The following EXOC4 variants were observed in gnomAD, a reference collection of about 807,000 sequenced individuals.
EXOC4 encodes exocyst complex component 4, also known as SEC8-like 1.
Under a neutral mutation model 107.2 loss-of-function variants are expected in EXOC4, and 71 were observed. The observed-to-expected ratio is 0.66, with a 90% CI of 0.55 to 0.81. The LOEUF is 0.81. Ranked by LOEUF, EXOC4 falls within the 30% of genes least tolerant of loss-of-function variation. EXOC4 has a pLI of 0.00. For synonymous variants in EXOC4, 456 were observed against 441.2 expected (o/e 1.03, Z -0.42); for missense variants, 1,108 against 1,189.6 (o/e 0.93, Z 1.01).
intron 9 of EXOC4, among the ~76,000 whole-genome samples, chr7:133,517,584 G>A (rs1799901903): frequency 6.6e-6 from 1 of 152,118 alleles, no homozygotes. Context: ...CATGGCCACA[G>A]ATGAGAGAAG....
chr7:133,625,686 T>G (rs777064355), intron 9 of EXOC4, among the ~76,000 whole-genome samples: 3 of 152,216 alleles, frequency 2.0e-5, no homozygotes, highest in Non-Finnish European at 2.9e-5. Flanking sequence ...AGTTATCAGG[T>G]GGCCTTGGTG....
chr7:133,885,277 G>A (rs1799057714), intron 11 of EXOC4, among the ~76,000 whole-genome samples: 1 of 149,906 alleles, frequency 6.7e-6, no homozygotes, highest in African/African-American at 2.5e-5. Context: ...TCGCGCTGCT[G>A]CACTCCAGCC....
At chr7:133,881,759 C>T (rs1167420567) in intron 11 of EXOC4, among the ~76,000 whole-genome samples, 1 of 152,170 alleles carries the variant, frequency 6.6e-6, no homozygotes, top group Non-Finnish European at 1.5e-5. Context: ...CTCTCCAGAA[C>T]AGTTTTCATC....
At chr7:133,722,705 G>T (rs1795130128) in intron 10 of EXOC4, among the ~76,000 whole-genome samples, 1 of 152,168 alleles carries the variant, frequency 6.6e-6, no homozygotes, top group Non-Finnish European at 1.5e-5. Context: ...GTCTTCTGCT[G>T]TGAAAATCAA....
intron 10 of EXOC4, among the ~76,000 whole-genome samples, chr7:133,787,964 TATATATATATATATATA>T (rs1796617927): frequency 2.2e-4 from 2 of 9,244 alleles, no homozygotes; most frequent in African/African-American, 6.0e-4. Context: ...TTTATATATT[TATATATATATATATATA>T]TATATATATA....
At chr7:134,028,597 C>T (rs150544752) in intron 17 of EXOC4, among the ~76,000 whole-genome samples, 240 of 152,302 alleles carry the variant, frequency 1.6e-3, no homozygotes, top group African/African-American at 5.2e-3. Context: ...ACTTCTCTGT[C>T]GCTAGCAATG....
intron 2 of EXOC4, among the ~76,000 whole-genome samples, chr7:133,281,280 T>C (rs773511279): frequency 5.1e-5 from 7 of 137,302 alleles, no homozygotes; most frequent in Middle Eastern, 3.4e-3. Flanking sequence ...ACTTAAAGTG[T>C]AATAATAAAA....
intron 9 of EXOC4, among the ~76,000 whole-genome samples, chr7:133,552,648 G>A (rs1800613490): frequency 6.6e-6 from 1 of 152,094 alleles, no homozygotes; most frequent in Admixed American, 6.6e-5. Context: ...GAGTAATGAG[G>A]AGGGATAGTT....
chr7:133,558,709 A>G (rs1290413250), intron 9 of EXOC4, among the ~76,000 whole-genome samples: 2 of 152,192 alleles, frequency 1.3e-5, no homozygotes, highest in African/African-American at 2.4e-5. Flanking sequence ...AAAGGATATG[A>G]CATAGATATA....
intron 6 of EXOC4, among the ~76,000 whole-genome samples, chr7:133,369,522 A>C (rs1394995465): frequency 6.6e-6 from 1 of 152,012 alleles, no homozygotes; most frequent in African/African-American, 2.4e-5. Context: ...GTCCTCTGCA[A>C]TGTTCCCTGG....
chr7:133,701,757 G>A (rs148494485), intron 10 of EXOC4, among the ~76,000 whole-genome samples: 205 of 151,934 alleles, frequency 1.3e-3, no homozygotes, highest in African/African-American at 4.7e-3. Flanking sequence ...ATATCTTAAG[G>A]TTGGACCCCA....
intron 2 of EXOC4, among the ~76,000 whole-genome samples, chr7:133,279,150 C>T (rs749694404): frequency 2.0e-5 from 3 of 152,158 alleles, no homozygotes; most frequent in African/African-American, 7.2e-5. Flanking sequence ...GACATGAACT[C>T]ATCATTTTTT....
chr7:133,392,011 G>A (rs1208623581), intron 7 of EXOC4, among the ~76,000 whole-genome samples: 2 of 152,178 alleles, frequency 1.3e-5, no homozygotes, highest in African/African-American at 4.8e-5. Flanking sequence ...GTATAGGCAA[G>A]CACAACAGAA....
chr7:133,642,930 A>G lies in EXOC4; in HGVS notation c.1514+12789A>G, dbSNP rs145973346. Among the ~76,000 whole-genome samples the G allele has an allele frequency of 3.2e-3, 494 of 152,304 alleles. 2 individuals are homozygous for G. Among genetic ancestry groups the G allele is most frequent in the African/African-American group, 0.011 (476 of 41,566 alleles). On this transcript the variant is annotated intron_variant, in intron 10 of 17. Coordinates refer to ENST00000253861, the MANE Select transcript of EXOC4 (RefSeq NM_021807.4). ...TCCTTCATTATCTGAAAGACATTTTATCCTTCAAGAATCAGCGCATGTATC... is the reference window on the plus strand; with the variant it reads ...TCCTTCATTATCTGAAAGACATTTTGTCCTTCAAGAATCAGCGCATGTATC...
At chr7:133,311,842 AT>A (rs1013860514) in intron 4 of EXOC4, among the ~76,000 whole-genome samples, 1 of 152,182 alleles carries the variant, frequency 6.6e-6, no homozygotes, top group Non-Finnish European at 1.5e-5. Flanking sequence ...TAAATATAAG[AT>A]TGTTCAATAT....
intron 10 of EXOC4, among the ~76,000 whole-genome samples, chr7:133,719,139 G>A (rs1055956462): frequency 1.3e-5 from 2 of 152,124 alleles, no homozygotes; most frequent in African/African-American, 2.4e-5. Context: ...GTGAATAAGT[G>A]TCACAAGATC....
Position 133,468,266 on chromosome 7 carries a change from A to G in EXOC4, c.1183-7062A>G, listed in dbSNP as rs986555719. On this transcript the variant is annotated intron_variant, in intron 7 of 17. Coordinates refer to ENST00000253861, the MANE Select transcript of EXOC4 (RefSeq NM_021807.4). Reference sequence around the variant, plus strand: ...TAGCGTTAGTGGTTTTAATTGTGCAACTGCCATTGACAATGAGTATAATTG... The same window carrying G: ...TAGCGTTAGTGGTTTTAATTGTGCAGCTGCCATTGACAATGAGTATAATTG... Among the ~76,000 whole-genome samples, 5 of 152,324 alleles carry G rather than the reference A, an allele frequency of 3.3e-5. No homozygotes were observed. In the South Asian group the frequency reaches 6.2e-4, roughly 19 times the overall value.
At chr7:133,606,671 C>T (rs1272967550) in intron 9 of EXOC4, among the ~76,000 whole-genome samples, 1 of 151,804 alleles carries the variant, frequency 6.6e-6, no homozygotes, top group African/African-American at 2.4e-5. Context: ...TGCACCATCA[C>T]ACCTGGCTAA....
At chr7:133,916,973 C>G (rs1031672477) in intron 12 of EXOC4, among the ~76,000 whole-genome samples, 1 of 152,176 alleles carries the variant, frequency 6.6e-6, no homozygotes, top group Non-Finnish European at 1.5e-5. Flanking sequence ...TATGAAAAGA[C>G]TTGAAGCCTG....
Sources: allele counts gnomAD v4.1 joint callset (sites outside exome capture counted in the v4.1 genomes callset), GRCh38; gene constraint gnomAD v4.1.1; transcripts MANE v1.5; gene names NCBI Gene and HGNC (gene_info 2026-07-23, HGNC 2026-07-21).